CELF2: variants seen among roughly 807,000 people sequenced by gnomAD.
CELF2 encodes CUGBP Elav-like family member 2.
In CELF2, 8 loss-of-function variants were observed where a neutral mutation model predicts 62.6. The ratio of observed to expected loss-of-function variants is 0.13; its 90% confidence interval spans 0.07 to 0.23. The LOEUF is 0.23. Among genes scored for constraint, CELF2 ranks in the 10% least tolerant of loss-of-function variants. The pLI, the probability that CELF2 is intolerant of heterozygous loss-of-function variation, is 1.00. For missense variants in CELF2, 333 were observed against 671.0 expected (o/e 0.50, Z 5.56); for synonymous variants, 258 against 250.0 (o/e 1.03, Z -0.30).
Position 11,325,975 on chromosome 10 carries a change from C to T in CELF2, c.1434C>T (p.Cys478=). The T allele has an allele frequency of 6.2e-7, 1 of 1,610,208 alleles. No homozygotes were observed. ...ACAAACAGACCAATCTGAGCAAGTG[C>T]TTTGGTATGCAAAAGAAACTAAGCT... is the stretch of plus-strand genomic sequence containing the variant. ...FIDKQTNLSK[C]FGFVSYDNPV... Residue 478 remains cysteine (C), a synonymous_variant, in exon 12 of 13, where the codon TGC becomes TGT. Coordinates refer to ENST00000633077, the MANE Select transcript of CELF2 (RefSeq NM_001326342.2).
chr10:10,668,143 GT>G, the CELF2 span, among the ~76,000 whole-genome samples: 1 of 152,150 alleles, frequency 6.6e-6, no homozygotes, highest in Non-Finnish European at 1.5e-5. Flanking sequence ...ATTTTTAACA[GT>G]TTTATGGCAA....
intron 1 of CELF2, among the ~76,000 whole-genome samples, chr10:11,160,609 G>A (rs1328968881): frequency 3.4e-5 from 5 of 149,006 alleles, no homozygotes; most frequent in African/African-American, 5.0e-5. Flanking sequence ...TCATGGCACC[G>A]GGTTGGGTAG....
rs1592976042 is a variant in CELF2, at chr10:11,005,378, G to A, written c.-10G>A. The A allele has an allele frequency of 1.2e-5, 19 of 1,613,784 alleles. No homozygotes were observed. The highest frequency in any genetic ancestry group is 1.3e-5 in the Non-Finnish European group (15 of 1,179,804). On this transcript the variant is annotated 5_prime_UTR_variant, in exon 1 of 13. Coordinates refer to the CELF2 transcript ENST00000416382. The surrounding 1 kb of genome is among the most constrained non-coding windows in gnomAD (Gnocchi z 4.3). Reference sequence around the variant, plus strand: ...GAACTGGCTTTTGTTGAGACTATCAGTATAGAAGCATGCGCTGTCCCAAAT... The same window carrying A: ...GAACTGGCTTTTGTTGAGACTATCAATATAGAAGCATGCGCTGTCCCAAAT...
intron 9 of CELF2, among the ~76,000 whole-genome samples, chr10:11,308,101 T>C (rs2094358856): frequency 1.3e-5 from 2 of 152,266 alleles, no homozygotes; most frequent in South Asian, 4.1e-4. Flanking sequence ...GTCATCTTAC[T>C]AACTTCTCAT....
In CELF2 at chr10:11,333,252, CACAGAG is replaced by C. The variant is rs1352009291; in HGVS notation, c.*4203_*4208del. 6.6e-6 allele frequency: 1 copy of C among 152,422 alleles called. No homozygotes were observed. The highest frequency in any genetic ancestry group is 1.5e-5 in the Non-Finnish European group (1 of 68,032). The allele number at this position is 152,422 out of a possible 1,614,324, so 9.4% of individuals were successfully genotyped here. On this transcript the variant is annotated 3_prime_UTR_variant, in exon 13 of 13. Transcript: ENST00000633077. ...TGCCCTTCTCCAAAAAATAACCTTC[CACAGAG>C]ACAAACTGTCCTTCTATCCACTTTT...
At chr10:10,562,601 G>A in the CELF2 span, among the ~76,000 whole-genome samples, 60 of 152,246 alleles carry the variant, frequency 3.9e-4, no homozygotes, top group African/African-American at 1.2e-3. Flanking sequence ...CGACCTCACC[G>A]TGTCTCCCTT....
chr10:10,631,609 G>C, the CELF2 span, among the ~76,000 whole-genome samples: 16 of 152,142 alleles, frequency 1.1e-4, no homozygotes, highest in African/African-American at 3.4e-4. Flanking sequence ...GGGAAAGATG[G>C]GGAAGCTGTT....
Position 11,266,619 on chromosome 10 carries a change from C to T in CELF2, c.560C>T (p.Ser187Phe). 6.2e-7 allele frequency: 1 copy of T among 1,614,008 alleles called. No homozygotes were observed. Among genetic ancestry groups the T allele is most frequent in the Non-Finnish European group, 8.5e-7 (1 of 1,179,902 alleles). The change falls in exon 6 of 13, where the codon TCT becomes TTT. Residue 187 changes from serine to phenylalanine, a missense_variant. Ser to Phe is a radical substitution (Grantham distance 155, BLOSUM62 -2). Coordinates refer to ENST00000633077, the MANE Select transcript of CELF2 (RefSeq NM_001326342.2). ...LSRGCAFVTF[S>F]TRAMAQNAIK... ...ACAGGCTGTGCGTTTGTCACATTTTCTACAAGGGCAATGGCACAGAATGCA... is the reference window on the plus strand; with the variant it reads ...ACAGGCTGTGCGTTTGTCACATTTTTTACAAGGGCAATGGCACAGAATGCA...
intron 2 of CELF2, among the ~76,000 whole-genome samples, chr10:11,188,212 T>G (rs1195635132): frequency 6.6e-6 from 1 of 152,194 alleles, no homozygotes; most frequent in Non-Finnish European, 1.5e-5. Flanking sequence ...TTCAAGTGAT[T>G]CTCCTGCCTC....
At chr10:10,941,418 G>C (rs1200411656) in intron 2 of CELF2, among the ~76,000 whole-genome samples, 1 of 152,190 alleles carries the variant, frequency 6.6e-6, no homozygotes, top group African/African-American at 2.4e-5. Context: ...AGCTCCTCTT[G>C]ACAATTTCCT....
At chr10:10,620,090 A>G in the CELF2 span, among the ~76,000 whole-genome samples, 1 of 152,358 alleles carries the variant, frequency 6.6e-6, no homozygotes, top group Non-Finnish European at 1.5e-5. Flanking sequence ...TGTTTCTAAT[A>G]CTTCCTATCA....
At chr10:11,176,091 G>A (rs1391249731) in intron 2 of CELF2, among the ~76,000 whole-genome samples, 3 of 152,206 alleles carry the variant, frequency 2.0e-5, no homozygotes, top group Non-Finnish European at 2.9e-5. Flanking sequence ...TAAAGATGAA[G>A]TGAGAGAACA....
chr10:11,151,580 C>G (rs1021609917), intron 1 of CELF2, among the ~76,000 whole-genome samples: 1 of 151,992 alleles, frequency 6.6e-6, no homozygotes, highest in Admixed American at 6.6e-5. Context: ...CACAGGGGAC[C>G]CTATGTGTGG....
chr10:11,206,382 C>T (rs1306924236), intron 2 of CELF2, among the ~76,000 whole-genome samples: 1 of 152,238 alleles, frequency 6.6e-6, no homozygotes, highest in Non-Finnish European at 1.5e-5. Context: ...TCTACAGAAT[C>T]TATACTATGA....
At chr10:10,780,641 C>T in the CELF2 span, among the ~76,000 whole-genome samples, 2 of 152,080 alleles carry the variant, frequency 1.3e-5, no homozygotes, top group Non-Finnish European at 2.9e-5. Flanking sequence ...CTACCGTGCC[C>T]AGCTAATTTT....
intron 1 of CELF2, among the ~76,000 whole-genome samples, chr10:11,027,946 C>A (rs765210878): frequency 3.9e-5 from 6 of 152,160 alleles, no homozygotes; most frequent in African/African-American, 1.4e-4. Flanking sequence ...TAAAACTGGC[C>A]GCAAGTTCCC....
chr10:10,558,247 G>A, the CELF2 span, among the ~76,000 whole-genome samples: 1 of 151,964 alleles, frequency 6.6e-6, no homozygotes, highest in Admixed American at 6.6e-5. Context: ...AGCATGAAGG[G>A]TTGTTGAATT....
the CELF2 span, among the ~76,000 whole-genome samples, chr10:10,723,583 G>C: frequency 2.1e-4 from 32 of 152,252 alleles, no homozygotes; most frequent in African/African-American, 6.7e-4. Flanking sequence ...AGACTTCTAA[G>C]GTGCCCAGTG....
rs983377066 is a variant in CELF2, at chr10:11,156,938, G to C, written c.75-8548G>C. ...GGAAGAGATGAACTTTAGGTGTGCTGAATTTGAGGTGGTGCCAGAGTGTGC... is the reference window on the plus strand; with the variant it reads ...GGAAGAGATGAACTTTAGGTGTGCTCAATTTGAGGTGGTGCCAGAGTGTGC... On this transcript the variant is annotated intron_variant, in intron 1 of 12. Transcript: ENST00000633077. This position sits in a 1 kb window ranked among gnomAD's most constrained non-coding sequence, Gnocchi z 4.3. Among the ~76,000 whole-genome samples the C allele has an allele frequency of 6.6e-6, 1 of 152,210 alleles. No homozygotes were observed. The highest frequency in any genetic ancestry group is 2.4e-5 in the African/African-American group (1 of 41,460).
Sources: gnomAD v4.1 joint callset for allele counts (sites outside exome capture counted in the v4.1 genomes callset) on GRCh38, gnomAD v4.1.1 for gene constraint, Gnocchi (gnomAD v3.1) non-coding constraint, MANE v1.5 for transcripts, NCBI Gene and HGNC (gene_info 2026-07-23, HGNC 2026-07-21) for gene names.